SLC16A7: variants seen among roughly 807,000 people sequenced by gnomAD.
SLC16A7 encodes monocarboxylate transporter 2.
Under a neutral mutation model 34.9 loss-of-function variants are expected in SLC16A7, and 33 were observed. The ratio of observed to expected loss-of-function variants is 0.94; its 90% CI spans 0.72 to 1.26. SLC16A7 has a LOEUF of 1.26. Ranked by LOEUF, SLC16A7 falls within the 50% of genes most tolerant of loss-of-function variation. The probability of loss-of-function intolerance (pLI) is 0.00; values close to 1 mark genes in which losing one functional copy is unlikely to be tolerated. For synonymous variants in SLC16A7, 201 were observed against 206.6 expected, an observed-to-expected ratio of 0.97 and a Z score of 0.23; for missense variants, 573 against 578.1, an observed-to-expected ratio of 0.99 and a Z score of 0.09.
intron 4 of SLC16A7, among the ~76,000 whole-genome samples, chr12:59,773,423 C>T (rs12826493): frequency 0.078 from 11,811 of 151,440 alleles, 551 homozygotes; most frequent in Middle Eastern, 0.17. Context: ...ACTTAACCAC[C>T]TTACAGAACT....
chr12:59,750,757 A>G (rs939814528), intron 3 of SLC16A7, among the ~76,000 whole-genome samples: 7 of 152,172 alleles, frequency 4.6e-5, no homozygotes, highest in Non-Finnish European at 7.3e-5. Flanking sequence ...AGACACATGC[A>G]CTTGTATGTT....
At chr12:59,701,922 T>C (rs1285036929) in intron 2 of SLC16A7, among the ~76,000 whole-genome samples, 4 of 151,780 alleles carry the variant, frequency 2.6e-5, no homozygotes, top group Admixed American at 6.6e-5. Flanking sequence ...AACTCAAGAA[T>C]TAGTAATAAA....
chr12:59,634,865 G>A (rs1880345892), intron 1 of SLC16A7, among the ~76,000 whole-genome samples: 1 of 151,956 alleles, frequency 6.6e-6, no homozygotes, highest in South Asian at 2.1e-4. Context: ...TTCCCTGCAA[G>A]GATATTCCTA....
At chr12:59,609,154 T>G (rs557058127) in intron 1 of SLC16A7, among the ~76,000 whole-genome samples, 13 of 152,322 alleles carry the variant, frequency 8.5e-5, no homozygotes, top group South Asian at 2.1e-4. Flanking sequence ...GTGGTACAGA[T>G]GCTTATATAA....
chr12:59,623,696 T>C (rs544302863), intron 1 of SLC16A7, among the ~76,000 whole-genome samples: 1 of 151,834 alleles, frequency 6.6e-6, no homozygotes, highest in African/African-American at 2.4e-5. Flanking sequence ...ATAGTTTATC[T>C]GTAATGTATG....
chr12:59,678,365 A>G (rs1870476085), intron 2 of SLC16A7, among the ~76,000 whole-genome samples: 1 of 152,138 alleles, frequency 6.6e-6, no homozygotes, highest in Admixed American at 6.5e-5. Flanking sequence ...TTATTGAGTG[A>G]TAGAACAGCT....
intron 1 of SLC16A7, among the ~76,000 whole-genome samples, chr12:59,638,257 G>A (rs1880525442): frequency 6.6e-6 from 1 of 152,082 alleles, no homozygotes; most frequent in South Asian, 2.1e-4. Context: ...CCAGGAAGGG[G>A]CAAGATCTTT....
chr12:59,743,703 G>A (rs906725253), intron 3 of SLC16A7, among the ~76,000 whole-genome samples: 5 of 152,114 alleles, frequency 3.3e-5, no homozygotes, highest in African/African-American at 7.2e-5. Flanking sequence ...ACATTTAAAT[G>A]TGTACAATTG....
At chr12:59,744,820 G>A (rs1365773842) in intron 3 of SLC16A7, among the ~76,000 whole-genome samples, 9 of 152,104 alleles carry the variant, frequency 5.9e-5, no homozygotes, top group Admixed American at 5.9e-4. Context: ...ACCCAAAAGC[G>A]CTTGCCCCAA....
chr12:59,675,625 T>G (rs944397297), intron 2 of SLC16A7, among the ~76,000 whole-genome samples: 1 of 152,170 alleles, frequency 6.6e-6, no homozygotes, highest in Admixed American at 6.5e-5. Flanking sequence ...AAGAGGAAGA[T>G]ACAGAGAGGG....
chr12:59,763,103 T>C (rs897941025), intron 3 of SLC16A7, among the ~76,000 whole-genome samples: 1 of 152,160 alleles, frequency 6.6e-6, no homozygotes, highest in Admixed American at 6.6e-5. Flanking sequence ...TCAATCAAAA[T>C]AAGATAATTA....
intron 3 of SLC16A7, among the ~76,000 whole-genome samples, chr12:59,712,718 A>G (rs1175185567): frequency 6.6e-6 from 1 of 152,160 alleles, no homozygotes; most frequent in Non-Finnish European, 1.5e-5. Flanking sequence ...GGTCAATGGG[A>G]CTTGCAGTGT....
At chr12:59,630,650 A>T (rs1435785147) in intron 1 of SLC16A7, among the ~76,000 whole-genome samples, 7 of 151,952 alleles carry the variant, frequency 4.6e-5, no homozygotes, top group Non-Finnish European at 1.0e-4. Context: ...AACCTATCGT[A>T]GTAGCTCTGA....
intron 2 of SLC16A7, among the ~76,000 whole-genome samples, chr12:59,676,400 C>G (rs376140815): frequency 5.3e-5 from 8 of 151,768 alleles, no homozygotes; most frequent in South Asian, 2.1e-4. Context: ...GGTTTCTGCT[C>G]TTTTCTCTTT....
At chr12:59,754,227 G>A (rs1879986574) in intron 3 of SLC16A7, among the ~76,000 whole-genome samples, 1 of 152,090 alleles carries the variant, frequency 6.6e-6, no homozygotes, top group African/African-American at 2.4e-5. Context: ...ACATTCAAAA[G>A]CTAGGAGAAG....
intron 2 of SLC16A7, among the ~76,000 whole-genome samples, chr12:59,695,838 G>A (rs976005875): frequency 5.3e-5 from 8 of 151,984 alleles, no homozygotes; most frequent in African/African-American, 1.2e-4. Context: ...GATATTGGAT[G>A]GATTAGAGAT....
intron 1 of SLC16A7, among the ~76,000 whole-genome samples, chr12:59,650,264 G>C (rs1251484812): frequency 6.6e-6 from 1 of 152,064 alleles, no homozygotes; most frequent in Non-Finnish European, 1.5e-5. Flanking sequence ...AAATAAAGGA[G>C]ATATGGTATT....
At chr12:59,692,208 G>A (rs752267111) in intron 2 of SLC16A7, among the ~76,000 whole-genome samples, 5 of 151,880 alleles carry the variant, frequency 3.3e-5, no homozygotes, top group Non-Finnish European at 7.4e-5. Context: ...CTGTGTGTGT[G>A]TCTCTGAACT....
intron 1 of SLC16A7, among the ~76,000 whole-genome samples, chr12:59,646,142 C>T (rs775093833): frequency 5.9e-5 from 9 of 152,194 alleles, no homozygotes; most frequent in Non-Finnish European, 1.2e-4. Context: ...CAGAAATTTG[C>T]ATAGGTAATG....
Sources: gnomAD v4.1 joint callset for allele counts (sites outside exome capture counted in the v4.1 genomes callset) on GRCh38, gnomAD v4.1.1 for gene constraint, MANE v1.5 for transcripts, NCBI Gene and HGNC (gene_info 2026-07-23, HGNC 2026-07-21) for gene names.